NLGN1: variants seen among roughly 807,000 people sequenced by gnomAD.
NLGN1 encodes the protein neuroligin 1, also known as neuroligin-1.
Under a neutral mutation model 65.5 loss-of-function variants are expected in NLGN1, and 12 were observed. The observed-to-expected ratio is 0.18, with a 90% CI of 0.12 to 0.30. The LOEUF (loss-of-function observed/expected upper bound fraction) is 0.30. Among genes scored for constraint, NLGN1 ranks in the 10% least tolerant of loss-of-function variants. The probability of loss-of-function intolerance (pLI) is 1.00; values close to 1 mark genes in which losing one functional copy is unlikely to be tolerated. For synonymous variants in NLGN1, 350 were observed against 359.5 expected, an observed-to-expected ratio of 0.97 and a Z score of 0.30; for missense variants, 750 against 1,007.1, an observed-to-expected ratio of 0.74 and a Z score of 3.46.
intron 4 of NLGN1, among the ~76,000 whole-genome samples, chr3:173,932,555 A>G (rs1293502874): frequency 6.6e-6 from 1 of 151,982 alleles, no homozygotes; most frequent in Admixed American, 6.6e-5. Flanking sequence ...TTAAATCTGG[A>G]GAATAGAAAG....
intron 4 of NLGN1, among the ~76,000 whole-genome samples, chr3:173,869,817 CTT>C (rs1448582895): frequency 3.9e-5 from 6 of 152,136 alleles, no homozygotes; most frequent in African/African-American, 1.2e-4. Flanking sequence ...TTCATTGTCT[CTT>C]TGACTGAAAT....
At chr3:173,732,597 T>TA (rs1773027871) in intron 3 of NLGN1, among the ~76,000 whole-genome samples, 1 of 152,104 alleles carries the variant, frequency 6.6e-6, no homozygotes, top group African/African-American at 2.4e-5. Context: ...TGAAAATAGT[T>TA]ATTTTTATTT....
At chr3:174,225,697 C>G (rs1393676842) in intron 4 of NLGN1, among the ~76,000 whole-genome samples, 1 of 151,398 alleles carries the variant, frequency 6.6e-6, no homozygotes, top group Non-Finnish European at 1.5e-5. Flanking sequence ...CGCCACTGCA[C>G]TCCAGCCTGG....
At chr3:174,072,074 A>G (rs1183793099) in intron 4 of NLGN1, among the ~76,000 whole-genome samples, 2 of 152,212 alleles carry the variant, frequency 1.3e-5, no homozygotes, top group South Asian at 2.1e-4. Context: ...GAGAAGTAAA[A>G]GTAATTATGT....
At chr3:174,214,712 TA>T (rs2152798667) in intron 4 of NLGN1, among the ~76,000 whole-genome samples, 1 of 152,260 alleles carries the variant, frequency 6.6e-6, no homozygotes, top group East Asian at 1.9e-4. Context: ...AAGTGGCTTT[TA>T]AAATAGCTAA....
chr3:173,452,584 T>C (rs1038950896), intron 2 of NLGN1, among the ~76,000 whole-genome samples: 4 of 152,350 alleles, frequency 2.6e-5, no homozygotes, highest in African/African-American at 7.2e-5. Context: ...ATTTATACAC[T>C]GTGGATACTG....
intron 4 of NLGN1, among the ~76,000 whole-genome samples, chr3:173,903,803 C>T (rs1175990335): frequency 6.6e-6 from 1 of 152,182 alleles, no homozygotes; most frequent in Non-Finnish European, 1.5e-5. Flanking sequence ...GTGTCAGTCT[C>T]AGCCAAATTC....
At position 173,683,600 on chromosome 3, in the gene NLGN1, A is replaced by T. The variant is rs905076200; in HGVS notation, c.493+78509A>T. 2.0e-5 allele frequency among the ~76,000 whole-genome samples: 3 copies of T among 152,180 alleles called. No individual in the cohort carries two copies. The East Asian group carries it at 5.8e-4, about 29-fold the overall frequency. ...CCCTATTCCCATGGTAATCAAAAAC[A>T]TCTAATTACTTAATTTCAAGTTAAG... On this transcript the variant is annotated intron_variant, in intron 3 of 6. Coordinates refer to ENST00000457714, the Ensembl canonical transcript of NLGN1.
rs113608284 is a variant in NLGN1 at position 173,685,143 on chromosome 3, G to A, written c.493+80052G>A. Among the ~76,000 whole-genome samples, 1,498 of 152,126 alleles carry A rather than the reference G, an allele frequency of 9.8e-3. 22 individuals are homozygous for A. Among genetic ancestry groups the A allele is most frequent in the African/African-American group, 0.034 (1,411 of 41,494 alleles). ...TTTAATAATGCATGGTTTGTGTTAC[G>A]TTAACAATAATTACAGGATGCCGAG... On this transcript the variant is annotated intron_variant, in intron 3 of 6. Transcript: ENST00000457714.
chr3:173,702,742 C>T (rs1767427905), intron 3 of NLGN1, among the ~76,000 whole-genome samples: 2 of 152,106 alleles, frequency 1.3e-5, no homozygotes, highest in Admixed American at 1.3e-4. Flanking sequence ...CACTTCACTG[C>T]GATGCCATCA....
chr3:173,552,770 C>A (rs1270905882), intron 2 of NLGN1, among the ~76,000 whole-genome samples: 1 of 152,100 alleles, frequency 6.6e-6, no homozygotes, highest in African/African-American at 2.4e-5. Context: ...TGCCAGGGAG[C>A]CCTTCCCACC....
intron 1 of NLGN1, among the ~76,000 whole-genome samples, chr3:173,419,017 C>CTTTTTTTTTTTTTTTTTTTTTTT (rs1714402944): frequency 1.8e-4 from 2 of 11,280 alleles, no homozygotes; most frequent in African/African-American, 7.6e-4. Context: ...CTTTCTTCTT[C>CTTTTTTTTTTTTTTTTTTTTTTT]TTCTTTTTTT....
At chr3:173,783,544 T>C (rs1005302175) in intron 3 of NLGN1, among the ~76,000 whole-genome samples, 4 of 152,248 alleles carry the variant, frequency 2.6e-5, no homozygotes, top group Non-Finnish European at 4.4e-5. Context: ...CATAGGCCAC[T>C]CACTGAAAGT....
chr3:174,287,717 C>A (rs1174042071), downstream of NLGN1, among the ~76,000 whole-genome samples: 1 of 151,508 alleles, frequency 6.6e-6, no homozygotes, highest in Non-Finnish European at 1.5e-5. Flanking sequence ...ACTTTGCTCT[C>A]AGAGCTGCCT....
intron 3 of NLGN1, among the ~76,000 whole-genome samples, chr3:173,624,622 A>G (rs1359497623): frequency 6.6e-6 from 1 of 152,084 alleles, no homozygotes; most frequent in African/African-American, 2.4e-5. Flanking sequence ...TCTTAGTTTT[A>G]TCTGTCAGGG....
At chr3:174,078,205 G>T (rs1741408964) in intron 4 of NLGN1, among the ~76,000 whole-genome samples, 1 of 152,146 alleles carries the variant, frequency 6.6e-6, no homozygotes, top group Non-Finnish European at 1.5e-5. Flanking sequence ...GCTAATTAAT[G>T]TATAGCATGT....
At chr3:173,838,789 CA>C (rs1324085942) in intron 4 of NLGN1, among the ~76,000 whole-genome samples, 1 of 152,130 alleles carries the variant, frequency 6.6e-6, no homozygotes, top group Non-Finnish European at 1.5e-5. Flanking sequence ...ATTGCTGAGG[CA>C]ACGGATTCTA....
At chr3:173,826,487 C>T (rs935229268) in intron 4 of NLGN1, among the ~76,000 whole-genome samples, 1 of 152,034 alleles carries the variant, frequency 6.6e-6, no homozygotes, top group Non-Finnish European at 1.5e-5. Flanking sequence ...AGCCATGATT[C>T]CTTACTCATT....
chr3:173,595,594 C>T (rs952605324), intron 2 of NLGN1, among the ~76,000 whole-genome samples: 8 of 152,138 alleles, frequency 5.3e-5, no homozygotes, highest in Admixed American at 3.9e-4. Context: ...AAGTTGCTTC[C>T]ACATTTTTGG....
Sources: allele counts gnomAD v4.1 joint callset (sites outside exome capture counted in the v4.1 genomes callset), GRCh38; gene constraint gnomAD v4.1.1; transcripts MANE v1.5; gene names NCBI Gene and HGNC (gene_info 2026-07-23, HGNC 2026-07-21).